Variants in GALR2 observed in about 807,000 individuals in gnomAD.
The protein encoded by GALR2 is galanin receptor 2, also known as galanin receptor type 2.
A neutral mutation model predicts 7.2 loss-of-function variants in GALR2; 5 were observed. That is an observed-to-expected ratio of 0.69 (90% CI 0.36 to 1.45). The LOEUF (loss-of-function observed/expected upper bound fraction) is 1.45, where lower values mean the gene tolerates loss of function less well. GALR2 is among the 40% of genes most tolerant of loss of function. GALR2 has a pLI of 0.03. For missense variants in GALR2, 561 were observed against 555.7 expected (o/e 1.01, Z -0.10); for synonymous variants, 300 against 263.9 (o/e 1.14, Z -1.32).
rs2066893306 is a variant in GALR2 at position 76,077,026 on chromosome 17, C to T, written c.759C>T (p.His253=). Residue 253 remains histidine, a synonymous_variant, in exon 2 of 2, where the codon CAC becomes CAT. Coordinates refer to ENST00000329003, the MANE Select transcript of GALR2 (RefSeq NM_003857.4). ...ALFCLCWMPH[H]ALILCVWFGQ... is the part of the protein sequence containing the mutation. ...TCTGCCTCTGCTGGATGCCCCACCACGCGCTCATCCTCTGCGTGTGGTTCG... is the reference window on the plus strand; with the variant it reads ...TCTGCCTCTGCTGGATGCCCCACCATGCGCTCATCCTCTGCGTGTGGTTCG... 6.2e-7 allele frequency: 1 copy of T among 1,612,522 alleles called. No individual in the cohort carries two copies. Among genetic ancestry groups the T allele is most frequent in the Non-Finnish European group, 8.5e-7 (1 of 1,179,900 alleles).
In GALR2 at chr17:76,076,607, C is replaced by T. The variant is rs371388011; in HGVS notation, c.369-29C>T. ...TCCAGCATGAATGTGCCCGCTCAGC[C>T]GACGTCTCCCTTCCCGGTCTGACCG... On this transcript the variant is annotated intron_variant, in intron 1 of 1. Transcript: ENST00000329003. The surrounding 1 kb of genome is among the most constrained non-coding windows in gnomAD (Gnocchi z 6.5). 13 of 1,499,070 alleles carry T rather than the reference C, an allele frequency of 8.7e-6. No individual in the cohort carries two copies. Among genetic ancestry groups the T allele is most frequent in the Non-Finnish European group, 1.2e-5 (13 of 1,109,274 alleles). 92.9% of individuals were successfully genotyped at this position (1,499,070 alleles called of 1,614,324 possible).
chr17:76,072,212 C>G, upstream of GALR2: 1 of 1,583,702 alleles, frequency 6.3e-7, no homozygotes, highest in Non-Finnish European at 8.5e-7. This position sits in a 1 kb window ranked among gnomAD's most constrained non-coding sequence, Gnocchi z 4.5. Context: ...TCGGCCTCTC[C>G]TGCCAGGACT....
In GALR2 at chr17:76,075,240, C is replaced by A. The variant is rs1410167707; in HGVS notation, c.357C>A (p.Val119=). 2 of 1,602,132 alleles carry A rather than the reference C, an allele frequency of 1.2e-6. No individual in the cohort carries two copies. The highest frequency in any genetic ancestry group is 1.7e-6 in the Non-Finnish European group (2 of 1,178,580). ...CCAGCAGCTTCACGCTGGCCGCCGT[C>A]TCCCTGGACAGGTGAGCCAGCGCCT... ...MHASSFTLAA[V]SLDRYLAIRY... The change falls in exon 1 of 2, where the codon GTC becomes GTA. Residue 119 remains valine, a synonymous_variant. Transcript: ENST00000329003. This position sits in a 1 kb window ranked among gnomAD's most constrained non-coding sequence, Gnocchi z 5.9.
upstream of GALR2, chr17:76,072,151 C>A: frequency 7.1e-7 from 1 of 1,408,578 alleles, no homozygotes; most frequent in Non-Finnish European, 9.6e-7. The surrounding 1 kb of genome is among the most constrained non-coding windows in gnomAD (Gnocchi z 4.5). Flanking sequence ...GAGACAGACC[C>A]CCCCCGGAAT....
At position 76,076,638 on chromosome 17, in the gene GALR2, A is replaced by G. The variant is rs778058214; in HGVS notation, c.371A>G (p.Tyr124Cys). Residue 124 changes from tyrosine to cysteine, a missense_variant and splice_region_variant, in exon 2 of 2, where the codon TAT becomes TGT. Transcript: ENST00000329003. This position sits in a 1 kb window ranked among gnomAD's most constrained non-coding sequence, Gnocchi z 6.5. ...FTLAAVSLDR[Y>C]LAIRYPLHSR... ...CTCCCTTCCCGGTCTGACCGCAGGT[A>G]TCTGGCCATCCGCTACCCGCTGCAC... The G allele has an allele frequency of 2.5e-6, 4 of 1,576,840 alleles. No homozygotes were observed. The East Asian group carries it at 9.0e-5, about 35-fold the overall frequency.
In GALR2 at chr17:76,075,250, AGGTGAGCCAGCGCCTTGGCCTCCCT is replaced by A; in HGVS notation, c.368+2_368+26del. On this transcript the variant is annotated splice_donor_variant and splice_donor_5th_base_variant and coding_sequence_variant and intron_variant, in exon 1 of 2. Coordinates refer to ENST00000329003, the MANE Select transcript of GALR2 (RefSeq NM_003857.4). LOFTEE classifies it high-confidence loss of function. The surrounding 1 kb of genome is among the most constrained non-coding windows in gnomAD (Gnocchi z 5.9). Reference sequence around the variant, plus strand: ...CACGCTGGCCGCCGTCTCCCTGGACAGGTGAGCCAGCGCCTTGGCCTCCCTGGGAGATGGGCATCCACGCGGGGGA... The same window carrying A: ...CACGCTGGCCGCCGTCTCCCTGGACAGGGAGATGGGCATCCACGCGGGGGA... The A allele has an allele frequency of 6.3e-7, 1 of 1,597,490 alleles. No individual in the cohort carries two copies. The highest frequency in any genetic ancestry group is 1.1e-5 in the South Asian group (1 of 90,700).
At position 76,076,608 on chromosome 17, in the gene GALR2, G is replaced by A. The variant is rs1425241611; in HGVS notation, c.369-28G>A. 15 of 1,505,440 alleles carry A rather than the reference G, an allele frequency of 1.0e-5. No homozygotes were observed. Among genetic ancestry groups the A allele is most frequent in the Non-Finnish European group, 1.3e-5 (14 of 1,114,368 alleles). 93.3% of individuals were successfully genotyped at this position (1,505,440 alleles called of 1,614,324 possible). On this transcript the variant is annotated intron_variant, in intron 1 of 1. Coordinates refer to ENST00000329003, the MANE Select transcript of GALR2 (RefSeq NM_003857.4). This position sits in a 1 kb window ranked among gnomAD's most constrained non-coding sequence, Gnocchi z 6.5. ...CCAGCATGAATGTGCCCGCTCAGCC[G>A]ACGTCTCCCTTCCCGGTCTGACCGC...
chr17:76,074,700 T>C (rs1469163004), upstream of GALR2: 5 of 617,408 alleles, frequency 8.1e-6, no homozygotes. This position sits in a 1 kb window ranked among gnomAD's most constrained non-coding sequence, Gnocchi z 6.7. Flanking sequence ...CGCCCTCCTG[T>C]CTCTTGCTCC....
upstream of GALR2, chr17:76,072,545 C>G: frequency 1.3e-6 from 2 of 1,547,558 alleles, no homozygotes; most frequent in South Asian, 2.4e-5. The surrounding 1 kb of genome is among the most constrained non-coding windows in gnomAD (Gnocchi z 4.5). Flanking sequence ...ACGACCTGGG[C>G]GGGTGAGAGC....
In GALR2 at chr17:76,077,031, T is replaced by A. The variant is rs1176786610; in HGVS notation, c.764T>A (p.Leu255His). ...FCLCWMPHHA[L>H]ILCVWFGQFP... is the part of the protein sequence containing the mutation. ...CTCTGCTGGATGCCCCACCACGCGCTCATCCTCTGCGTGTGGTTCGGCCAG... is the reference window on the plus strand; with the variant it reads ...CTCTGCTGGATGCCCCACCACGCGCACATCCTCTGCGTGTGGTTCGGCCAG... The change falls in exon 2 of 2, where the codon CTC becomes CAC. Residue 255 changes from leucine (L) to histidine (H), a missense_variant. Leu to His is a moderately conservative substitution (Grantham distance 99, BLOSUM62 -3). Transcript: ENST00000329003. 13 of 1,612,596 alleles carry A rather than the reference T, an allele frequency of 8.1e-6. No homozygotes were observed. The highest frequency in any genetic ancestry group is 1.1e-5 in the Non-Finnish European group (13 of 1,179,898).
rs919531875 is a variant in GALR2, at chr17:76,077,373, G to T, written c.1106G>T (p.Gly369Val). ...CCATGCATCCTCGAGCCCTGTCCTG[G>T]CCCGTCCTGGCAGGGCCCAAAGGCA... ...SQPCILEPCP[G>V]PSWQGPKAGD... is the part of the protein sequence containing the mutation. The change falls in exon 2 of 2, where the codon GGC becomes GTC. Residue 369 changes from glycine (G) to valine (V), a missense_variant. Gly to Val is a moderately radical substitution (Grantham distance 109). Coordinates refer to ENST00000329003, the MANE Select transcript of GALR2 (RefSeq NM_003857.4). 3 of 1,457,844 alleles carry T rather than the reference G, an allele frequency of 2.1e-6. No homozygotes were observed. The highest frequency in any genetic ancestry group is 1.8e-6 in the Non-Finnish European group (2 of 1,109,430). 90.3% of individuals were successfully genotyped at this position (1,457,844 alleles called of 1,614,324 possible). A position where few individuals can be genotyped will look rare whatever the true frequency, so the allele number is the denominator to read the frequency against.
Position 76,074,965 on chromosome 17 carries a change from G to A in GALR2, c.82G>A (p.Val28Met). 1 of 1,593,256 alleles carries A rather than the reference G, an allele frequency of 6.3e-7. No individual in the cohort carries two copies. Among genetic ancestry groups the A allele is most frequent in the African/African-American group, 1.3e-5 (1 of 74,730 alleles). ...AGGCTGGCACCCCGAGGCGGTCATC[G>A]TGCCCCTGCTCTTCGCGCTCATCTT... ...GGGWHPEAVIVPLLFALIFLV... is the reference protein window; with the variant it reads ...GGGWHPEAVIMPLLFALIFLV... Residue 28 changes from valine to methionine, a missense_variant, in exon 1 of 2, where the codon GTG (valine) becomes ATG (methionine). By Grantham distance (21) the Val-to-Met change is conservative (BLOSUM62 1). Transcript: ENST00000329003. The surrounding 1 kb of genome is among the most constrained non-coding windows in gnomAD (Gnocchi z 6.7).
rs977153133 is a variant in GALR2 at position 76,076,573 on chromosome 17, T to C, written c.369-63T>C. On this transcript the variant is annotated intron_variant, in intron 1 of 1. Coordinates refer to ENST00000329003, the MANE Select transcript of GALR2 (RefSeq NM_003857.4). This position sits in a 1 kb window ranked among gnomAD's most constrained non-coding sequence, Gnocchi z 6.5. ...CAGCCTTGGGACCGAGGTGCAGGGGTCGCGGCCCTCCAGCATGAATGTGCC... is the reference window on the plus strand; with the variant it reads ...CAGCCTTGGGACCGAGGTGCAGGGGCCGCGGCCCTCCAGCATGAATGTGCC... The C allele has an allele frequency of 9.0e-7, 1 of 1,110,870 alleles. No individual in the cohort carries two copies. The highest frequency in any genetic ancestry group is 1.3e-6 in the Non-Finnish European group (1 of 771,114). 68.8% of individuals were successfully genotyped at this position (1,110,870 alleles called of 1,614,324 possible). A position where few individuals can be genotyped will look rare whatever the true frequency, so the allele number is the denominator to read the frequency against.
chr17:76,075,198 C>T lies in GALR2; in HGVS notation c.315C>T (p.Ile105=), dbSNP rs1290150450. Residue 105 remains isoleucine (I), a synonymous_variant, in exon 1 of 2, where the codon ATC becomes ATT. Coordinates refer to ENST00000329003, the MANE Select transcript of GALR2 (RefSeq NM_003857.4). The surrounding 1 kb of genome is among the most constrained non-coding windows in gnomAD (Gnocchi z 5.9). Reference sequence around the variant, plus strand: ...TGTGCAAGGCGGTGCACTTCCTCATCTTCCTCACCATGCACGCCAGCAGCT... The same window carrying T: ...TGTGCAAGGCGGTGCACTTCCTCATTTTCCTCACCATGCACGCCAGCAGCT... ...SLLCKAVHFL[I]FLTMHASSFT... The T allele has an allele frequency of 2.5e-6, 4 of 1,610,072 alleles. No homozygotes were observed. The South Asian group carries it at 4.4e-5, about 18-fold the overall frequency.
upstream of GALR2, chr17:76,072,513 A>C (rs1310929994): frequency 3.2e-6 from 5 of 1,576,728 alleles, no homozygotes; most frequent in Middle Eastern, 4.2e-4. This position sits in a 1 kb window ranked among gnomAD's most constrained non-coding sequence, Gnocchi z 4.5. Context: ...GCCGCAGAGC[A>C]AGACGGGATA....
At chr17:76,072,645 C>A, upstream of GALR2, 5 of 1,384,496 alleles carry the variant, frequency 3.6e-6, no homozygotes, top group Non-Finnish European at 4.7e-6. The surrounding 1 kb of genome is among the most constrained non-coding windows in gnomAD (Gnocchi z 4.5). Flanking sequence ...TGGAGCGCGC[C>A]TGCGCGAGGG....
rs1243498004 is a variant in GALR2, at chr17:76,076,125, G to A, written c.369-511G>A. ...TGAGCGCGAAGTGCGTTGGTTCCGA[G>A]CGCGCTGGTGGGATCCACAAAGCTC... On this transcript the variant is annotated intron_variant, in intron 1 of 1. Coordinates refer to ENST00000329003, the MANE Select transcript of GALR2 (RefSeq NM_003857.4). The surrounding 1 kb of genome is among the most constrained non-coding windows in gnomAD (Gnocchi z 6.5). Among the ~76,000 whole-genome samples the A allele has an allele frequency of 6.6e-6, 1 of 152,262 alleles. No individual in the cohort carries two copies. The highest frequency in any genetic ancestry group is 1.5e-5 in the Non-Finnish European group (1 of 68,050).
chr17:76,074,264 C>T (rs910333062), upstream of GALR2, among the ~76,000 whole-genome samples: 5 of 152,210 alleles, frequency 3.3e-5, no homozygotes, highest in African/African-American at 9.6e-5. This position sits in a 1 kb window ranked among gnomAD's most constrained non-coding sequence, Gnocchi z 6.7. Flanking sequence ...TGCAGTGAGC[C>T]GAGATCGCGC....
Position 76,077,175 on chromosome 17 carries a change from T to C in GALR2, c.908T>C (p.Phe303Ser). Residue 303 changes from phenylalanine (F) to serine (S), a missense_variant, in exon 2 of 2, where the codon TTC becomes TCC. Transcript: ENST00000329003. ...ALVSKHFRKG[F>S]RTICAGLLGR... ...GTCTCCAAGCACTTCCGCAAAGGCT[T>C]CCGCACGATCTGCGCGGGCCTGCTG... 1 of 1,611,760 alleles carries C rather than the reference T, an allele frequency of 6.2e-7. No individual in the cohort carries two copies. Among genetic ancestry groups the C allele is most frequent in the African/African-American group, 1.3e-5 (1 of 75,016 alleles).
Sources: allele counts gnomAD v4.1 joint callset (sites outside exome capture counted in the v4.1 genomes callset), GRCh38; gene constraint gnomAD v4.1.1; non-coding constraint Gnocchi (gnomAD v3.1); transcripts MANE v1.5; gene names NCBI Gene and HGNC (gene_info 2026-07-23, HGNC 2026-07-21).